The following TNS4 variants were observed in gnomAD, a reference collection of about 807,000 sequenced individuals.
TNS4 encodes the protein tensin 4.
In TNS4, 46 loss-of-function variants were observed where a neutral mutation model predicts 70.4. The ratio of observed to expected loss-of-function variants is 0.65; its 90% CI spans 0.52 to 0.84. The LOEUF (loss-of-function observed/expected upper bound fraction) is 0.84, where lower values mean the gene tolerates loss of function less well. Among genes scored for constraint, TNS4 ranks in the 40% least tolerant of loss-of-function variants. The pLI is 0.00. For synonymous variants in TNS4, 390 were observed against 366.6 expected, an observed-to-expected ratio of 1.06 and a Z score of -0.73; for missense variants, 863 against 907.0, an observed-to-expected ratio of 0.95 and a Z score of 0.62.
chr17:40,478,729 C>A, intron 10 of TNS4, 81 bp from the exon 11 acceptor site: 1 of 1,505,556 alleles, frequency 6.6e-7, no homozygotes, highest in Non-Finnish European at 9.2e-7. Context: ...TCGTTCCCCC[C>A]AAGCTCAGGT....
At chr17:40,500,381 C>T (rs1354158295) in intron 1 of TNS4, among the ~76,000 whole-genome samples, 2 of 152,206 alleles carry the variant, frequency 1.3e-5, no homozygotes, top group Non-Finnish European at 1.5e-5. Context: ...CTGAATGCTG[C>T]CCCCTTCGCG....
At chr17:40,498,912 C>G (rs2036177434) in intron 1 of TNS4, among the ~76,000 whole-genome samples, 1 of 152,082 alleles carries the variant, frequency 6.6e-6, no homozygotes, top group Admixed American at 6.6e-5. Flanking sequence ...TCGGAGAGGT[C>G]AAGAAACACG....
At position 40,496,110 on chromosome 17, in the gene TNS4, T is replaced by C; in HGVS notation, c.316A>G (p.Asn106Asp). ...SYIDFSLESL[N>D]QMILELDPTF... ...GGGTCCAGTTCCAGGATCATCTGAT[T>C]GAGGCTCTCCAGTGAGAAGTCAATG... Residue 106 changes from asparagine (N) to aspartate (D), a missense_variant, in exon 2 of 13, where the codon AAT (asparagine) becomes GAT (aspartate). By Grantham distance (23) the Asn-to-Asp change is conservative (BLOSUM62 1). Transcript: ENST00000254051. 6.2e-7 allele frequency: 1 copy of C among 1,611,312 alleles called. No individual in the cohort carries two copies. The highest frequency in any genetic ancestry group is 8.5e-7 in the Non-Finnish European group (1 of 1,178,982).
At position 40,479,783 on chromosome 17, in the gene TNS4, C is replaced by G. The variant is rs138638819; in HGVS notation, c.1801G>C (p.Val601Leu). The G allele has an allele frequency of 6.2e-7, 1 of 1,613,958 alleles. No homozygotes were observed. Among genetic ancestry groups the G allele is most frequent in the Admixed American group, 1.7e-5 (1 of 60,024 alleles). ...SVETLTGALA[V>L]QKAISTTFER... The stretch of plus-strand genomic sequence containing the variant: ...AAGGTGGTGGAGATGGCTTTCTGCA[C>G]GGCCAGGGCTCCAGTCAGGGTCTCC... Residue 601 changes from valine to leucine, a missense_variant, in exon 10 of 13, where the codon GTG (valine) becomes CTG (leucine). Coordinates refer to ENST00000254051, the MANE Select transcript of TNS4 (RefSeq NM_032865.6).
chr17:40,483,833 G>A lies in TNS4; in HGVS notation c.1501+651C>T, dbSNP rs141982614. 7.1e-4 allele frequency among the ~76,000 whole-genome samples: 108 copies of A among 152,292 alleles called. 1 individual carries two copies. In the East Asian group the frequency reaches 0.018, roughly 26 times the overall value. On this transcript the variant is annotated intron_variant, in intron 6 of 12. Transcript: ENST00000254051. ...TCATTAAGTAACTCTGGGAGCCTCC[G>A]TTATCTCATCCGTTAAATAAGAAGG...
In TNS4 at chr17:40,487,367, G is replaced by A; in HGVS notation, c.957C>T (p.Ser319=). The stretch of plus-strand genomic sequence containing the variant: ...TTGTACACAGGGACACTGAGCCAAG[G>A]CTGTGGAGGCTGGAGGAAGAGTTGG... ...SPANSSSSLH[S]LGSVSLCTRP... is the part of the protein sequence containing the mutation. The change falls in exon 4 of 13, where the codon AGC becomes AGT. Residue 319 remains serine (S), a synonymous_variant. Transcript: ENST00000254051. The A allele has an allele frequency of 6.2e-7, 1 of 1,614,188 alleles. No homozygotes were observed. The highest frequency in any genetic ancestry group is 1.3e-5 in the African/African-American group (1 of 75,048).
At chr17:40,494,239 C>CA (rs1289900673) in intron 2 of TNS4, among the ~76,000 whole-genome samples, 2 of 152,214 alleles carry the variant, frequency 1.3e-5, no homozygotes, top group East Asian at 1.9e-4. Flanking sequence ...GATAAGCAGC[C>CA]AAAAAATGTA....
In TNS4 at chr17:40,486,168, C is replaced by T. The variant is rs543394287; in HGVS notation, c.1288+868G>A. ...GGGTTTACTGCTTGGGTTTGTTCTT[C>T]TTGGACGCCTGTGATCTCAGACTCC... On this transcript the variant is annotated intron_variant, in intron 4 of 12. Transcript: ENST00000254051. 1.2e-4 allele frequency among the ~76,000 whole-genome samples: 18 copies of T among 152,288 alleles called. No individual in the cohort carries two copies. The South Asian group carries it at 3.7e-3, about 32-fold the overall frequency.
At position 40,484,559 on chromosome 17, in the gene TNS4, T is replaced by C; in HGVS notation, c.1426A>G (p.Ser476Gly). 1 of 1,612,932 alleles carries C rather than the reference T, an allele frequency of 6.2e-7. No homozygotes were observed. The highest frequency in any genetic ancestry group is 8.5e-7 in the Non-Finnish European group (1 of 1,180,000). The stretch of plus-strand genomic sequence containing the variant: ...CCGAAGGAGCCTCGGTATGAAGAGC[T>C]GTCCCTTATGACAAAAGCCCCTGGC... ...EEPGAFVIRD[S>G]SSYRGSFGLA... Residue 476 changes from serine to glycine, a missense_variant, in exon 6 of 13, where the codon AGC becomes GGC. Coordinates refer to ENST00000254051, the MANE Select transcript of TNS4 (RefSeq NM_032865.6).
chr17:40,479,855 G>C lies in TNS4; in HGVS notation c.1742-13C>G, dbSNP rs1200688088. On this transcript the variant is annotated splice_polypyrimidine_tract_variant and intron_variant, in intron 9 of 12. Coordinates refer to ENST00000254051, the MANE Select transcript of TNS4 (RefSeq NM_032865.6). ...AGGGTGTGGCAGCCTGTGGGAGGCA[G>C]ACACTGCGCTGGGGCCACTGACCCA... The C allele has an allele frequency of 1.2e-6, 2 of 1,603,598 alleles. No individual in the cohort carries two copies. The highest frequency in any genetic ancestry group is 2.2e-5 in the South Asian group (2 of 89,898).
Position 40,488,696 on chromosome 17 carries a change from C to T in TNS4, c.713G>A (p.Ser238Asn), listed in dbSNP as rs1482216573. Residue 238 changes from serine to asparagine, a missense_variant, in exon 3 of 13, where the codon AGC (serine) becomes AAC (asparagine). Ser to Asn is a conservative substitution (Grantham distance 46, BLOSUM62 1). Coordinates refer to ENST00000254051, the MANE Select transcript of TNS4 (RefSeq NM_032865.6). ...CAAACCATGGGGGCTCGAGGCCTTG[C>T]TCCCCATGCAAGGGATTGAGATGCT... Reference protein sequence around the residue: ...SPSISIPCMGSKASSPHGLGS... With the variant: ...SPSISIPCMGNKASSPHGLGS... The T allele has an allele frequency of 1.3e-6, 2 of 1,583,826 alleles. No homozygotes were observed. Among genetic ancestry groups the T allele is most frequent in the East Asian group, 2.2e-5 (1 of 44,450 alleles).
intron 8 of TNS4, among the ~76,000 whole-genome samples, chr17:40,481,216 G>GC (rs1008849597): frequency 3.6e-4 from 55 of 152,236 alleles, no homozygotes; most frequent in African/African-American, 1.1e-3. Flanking sequence ...CATCTGAGCT[G>GC]CCCCCCTACC....
intron 2 of TNS4, among the ~76,000 whole-genome samples, chr17:40,495,316 C>T (rs559844996): frequency 5.9e-5 from 9 of 152,252 alleles, no homozygotes; most frequent in Middle Eastern, 3.4e-3. Flanking sequence ...GCCTGCTACT[C>T]CACATGTCTC....
In TNS4 at chr17:40,478,798, C is replaced by A. The variant is rs897973529; in HGVS notation, c.1911-150G>T. On this transcript the variant is annotated intron_variant, in intron 10 of 12. Transcript: ENST00000254051. Reference sequence around the variant, plus strand: ...TTGAAGACCGCTATGGCCTTTCCCACTGGGGGGCCCTGGCGCCCCGCTCCT... The same window carrying A: ...TTGAAGACCGCTATGGCCTTTCCCAATGGGGGGCCCTGGCGCCCCGCTCCT... 5 of 788,918 alleles carry A rather than the reference C, an allele frequency of 6.3e-6. No homozygotes were observed. In the Admixed American group the frequency reaches 1.3e-4, roughly 21 times the overall value. The allele number at this position is 788,918 out of a possible 1,614,324, so 48.9% of individuals were successfully genotyped here.
chr17:40,499,956 T>G (rs1438686971), intron 1 of TNS4, among the ~76,000 whole-genome samples: 2 of 152,188 alleles, frequency 1.3e-5, no homozygotes, highest in African/African-American at 4.8e-5. Context: ...TGGGCAAGCG[T>G]CCTTTCCTCT....
intron 2 of TNS4, among the ~76,000 whole-genome samples, chr17:40,490,626 T>G (rs1486584735): frequency 1.3e-5 from 2 of 152,062 alleles, no homozygotes; most frequent in African/African-American, 4.8e-5. Flanking sequence ...TGCCTCTGTC[T>G]GAGCTTGCTT....
In TNS4 at chr17:40,488,873, A is replaced by T. The variant is rs3764424; in HGVS notation, c.536T>A (p.Leu179His). ...SPSVTPPFGS[L>H]RSGGLLLSRD... ...GGAAAGGAGGAGGCCACCACTGCGA[A>T]GGGAGCCGAAGGGCGGGGTGACAGA... is the stretch of plus-strand genomic sequence containing the variant. The change falls in exon 3 of 13, where the codon CTT becomes CAT. Residue 179 changes from leucine to histidine, a missense_variant. Transcript: ENST00000254051. 6.2e-7 allele frequency: 1 copy of T among 1,612,848 alleles called. No homozygotes were observed. Among genetic ancestry groups the T allele is most frequent in the Non-Finnish European group, 8.5e-7 (1 of 1,179,740 alleles).
rs746328627 is a variant in TNS4 at position 40,487,387 on chromosome 17, A to T, written c.937T>A (p.Ser313Thr). 1.2e-6 allele frequency: 2 copies of T among 1,614,114 alleles called. No homozygotes were observed. The highest frequency in any genetic ancestry group is 1.1e-5 in the South Asian group (1 of 91,076). Reference protein sequence around the residue: ...SSRSLESPANSSSSLHSLGSV... With the variant: ...SSRSLESPANTSSSLHSLGSV... Reference sequence around the variant, plus strand: ...CCAAGGCTGTGGAGGCTGGAGGAAGAGTTGGCTGGACTTTCCAAGGATCTG... The same window carrying T: ...CCAAGGCTGTGGAGGCTGGAGGAAGTGTTGGCTGGACTTTCCAAGGATCTG... The change falls in exon 4 of 13, where the codon TCT becomes ACT. Residue 313 changes from serine to threonine, a missense_variant. Transcript: ENST00000254051.
Position 40,479,817 on chromosome 17 carries a change from T to C in TNS4, c.1767A>G (p.Ser589=), listed in dbSNP as rs141882804. 118 of 1,613,046 alleles carry C rather than the reference T, an allele frequency of 7.3e-5. 1 individual carries two copies. The highest frequency in any genetic ancestry group is 3.3e-4 in the Middle Eastern group (2 of 6,080). ...SAGCHTLYLS[S]VSVETLTGAL... is the part of the protein sequence containing the mutation. The stretch of plus-strand genomic sequence containing the variant: ...CTCCAGTCAGGGTCTCCACGCTCAC[T>C]GAGCTCAGGTACAGGGTGTGGCAGC... The change falls in exon 10 of 13, where the codon TCA becomes TCG. Residue 589 remains serine (S), a synonymous_variant. Coordinates refer to ENST00000254051, the MANE Select transcript of TNS4 (RefSeq NM_032865.6).
Sources: allele counts gnomAD v4.1 joint callset (sites outside exome capture counted in the v4.1 genomes callset), GRCh38; gene constraint gnomAD v4.1.1; transcripts MANE v1.5; gene names NCBI Gene and HGNC (gene_info 2026-07-23, HGNC 2026-07-21).